CNKSR2: variants seen among roughly 807,000 people sequenced by gnomAD.
CNKSR2 encodes CNK homolog protein 2.
A neutral mutation model predicts 84.4 loss-of-function variants in CNKSR2; 14 were observed. The ratio of observed to expected loss-of-function variants is 0.17; its 90% confidence interval spans 0.11 to 0.26. CNKSR2 has a LOEUF of 0.26. CNKSR2 is among the 10% of genes least tolerant of loss of function. The pLI is 1.00. For synonymous variants in CNKSR2, 275 were observed against 277.9 expected (o/e 0.99, Z 0.10); for missense variants, 485 against 771.2 (o/e 0.63, Z 4.40).
chrX:21,535,661 T>C (rs2091921431), intron 11 of CNKSR2, among the ~76,000 whole-genome samples: 1 of 111,196 alleles, frequency 9.0e-6, no homozygotes, highest in Non-Finnish European at 1.9e-5. Flanking sequence ...TGATTTTTTT[T>C]CAGATAGTTT....
At chrX:21,493,446 C>T (rs1299997192) in intron 6 of CNKSR2, 1 of 111,635 alleles carries the variant, frequency 9.0e-6, no homozygotes, top group Non-Finnish European at 1.9e-5. Flanking sequence ...TGCTTTGGCT[C>T]CTGTTGGTTA....
chrX:21,599,112 TG>T (rs1282773629), intron 17 of CNKSR2, among the ~76,000 whole-genome samples: 2 of 112,478 alleles, frequency 1.8e-5, no homozygotes, highest in Non-Finnish European at 3.8e-5. Flanking sequence ...TCAATTGTCT[TG>T]TGAAACTTAG....
At chrX:21,460,101 T>G (rs1357375393) in intron 4 of CNKSR2, among the ~76,000 whole-genome samples, 1 of 112,103 alleles carries the variant, frequency 8.9e-6, no homozygotes, top group Non-Finnish European at 1.9e-5. Context: ...TCTGTTCTGG[T>G]GAAGTCATCA....
At chrX:21,479,408 G>A (rs2091293108) in intron 5 of CNKSR2, among the ~76,000 whole-genome samples, 1 of 110,916 alleles carries the variant, frequency 9.0e-6, no homozygotes, top group African/African-American at 3.3e-5. Flanking sequence ...TATAATATTT[G>A]TTTTCCTTTG....
At chrX:21,443,033 A>G (rs951498186) in intron 4 of CNKSR2, among the ~76,000 whole-genome samples, 8 of 110,496 alleles carry the variant, frequency 7.2e-5, no homozygotes, top group African/African-American at 2.6e-4. Flanking sequence ...GGATCGAAAA[A>G]CTACCTTTCG....
At chrX:21,389,601 A>G (rs994514531) in intron 1 of CNKSR2, among the ~76,000 whole-genome samples, 4 of 111,957 alleles carry the variant, frequency 3.6e-5, no homozygotes, top group Non-Finnish European at 7.5e-5. Context: ...AAAAAAGGGC[A>G]CTTGGGATAT....
chrX:21,567,753 C>T (rs1295705173), intron 13 of CNKSR2, among the ~76,000 whole-genome samples: 2 of 109,468 alleles, frequency 1.8e-5, no homozygotes, highest in Non-Finnish European at 3.8e-5. Flanking sequence ...CCTCATCTAA[C>T]CTGAGAGTAC....
At chrX:21,453,042 T>C (rs1202033388) in intron 4 of CNKSR2, among the ~76,000 whole-genome samples, 1 of 109,879 alleles carries the variant, frequency 9.1e-6, no homozygotes, top group African/African-American at 3.3e-5. Flanking sequence ...CTATATACTA[T>C]CCTGGAAAAT....
chrX:21,612,355 A>G (rs979077237), intron 20 of CNKSR2, among the ~76,000 whole-genome samples: 7 of 112,188 alleles, frequency 6.2e-5, no homozygotes, highest in Admixed American at 3.8e-4. Context: ...CTGTGCTGCC[A>G]CACAGTTCAG....
In CNKSR2 at chrX:21,374,865, C is replaced by G; in HGVS notation, c.-33C>G. ...CTGCTGAGTTCGTTTTGTGTCTGAG[C>G]TCTGCGCTCTGCACGGAACCGACCC... On this transcript the variant is annotated 5_prime_UTR_variant, in exon 1 of 22. Coordinates refer to ENST00000379510, the MANE Select transcript of CNKSR2 (RefSeq NM_014927.5). 8.5e-7 allele frequency: 1 copy of G among 1,172,246 alleles called. No homozygotes were observed. Among genetic ancestry groups the G allele is most frequent in the South Asian group, 1.8e-5 (1 of 56,125 alleles).
chrX:21,606,716 C>A, intron 18 of CNKSR2, 63 bp from the exon 19 acceptor site: 1 of 704,194 alleles, frequency 1.4e-6, no homozygotes. Context: ...AGTTTATGTT[C>A]GTGAAAATAT....
chrX:21,485,437 A>G (rs1048430234), intron 5 of CNKSR2, among the ~76,000 whole-genome samples: 1 of 110,555 alleles, frequency 9.0e-6, no homozygotes, highest in African/African-American at 3.3e-5. Flanking sequence ...ACCAGCGTGT[A>G]TGTGTGTGTG....
At chrX:21,509,668 A>G (rs2091650945) in intron 8 of CNKSR2, among the ~76,000 whole-genome samples, 1 of 111,938 alleles carries the variant, frequency 8.9e-6, no homozygotes, top group Admixed American at 9.5e-5. Flanking sequence ...CTGTGAAAGA[A>G]CAAAATTAAG....
At chrX:21,417,330 C>A (rs2090436215) in intron 1 of CNKSR2, among the ~76,000 whole-genome samples, 1 of 111,765 alleles carries the variant, frequency 8.9e-6, no homozygotes, top group Non-Finnish European at 1.9e-5. Context: ...GTTTTGTAAC[C>A]TAACATGGTC....
At position 21,501,326 on chromosome X, in the gene CNKSR2, GTTTA is replaced by G. The variant is rs199954806; in HGVS notation, c.742-189_742-186del. ...TTTTTATTAATTTTTTTCTTTCTAT[GTTTA>G]TTTAACTGGCTCAGCAGGTAAAAAC... On this transcript the variant is annotated intron_variant, in intron 7 of 21. Coordinates refer to ENST00000379510, the MANE Select transcript of CNKSR2 (RefSeq NM_014927.5). 1,209 of 269,560 alleles carry G rather than the reference GTTTA, an allele frequency of 4.5e-3. 13 individuals carry two copies. Among genetic ancestry groups the G allele is most frequent in the African/African-American group, 0.028 (993 of 35,269 alleles). 22.2% of individuals were successfully genotyped at this position (269,560 alleles called of 1,213,427 possible).
intron 1 of CNKSR2, among the ~76,000 whole-genome samples, chrX:21,388,549 A>G (rs971894881): frequency 8.9e-6 from 1 of 112,384 alleles, no homozygotes; most frequent in Non-Finnish European, 1.9e-5. Context: ...AAGACTGAAA[A>G]GCCAATCTGA....
intron 4 of CNKSR2, among the ~76,000 whole-genome samples, chrX:21,452,281 A>G (rs1432056074): frequency 4.5e-5 from 5 of 110,595 alleles, no homozygotes; most frequent in African/African-American, 1.3e-4. Context: ...TTTAGTAGAG[A>G]CGGAGTTTCA....
intron 20 of CNKSR2, among the ~76,000 whole-genome samples, chrX:21,611,629 T>C (rs747333624): frequency 1.8e-5 from 2 of 112,221 alleles, no homozygotes; most frequent in East Asian, 2.8e-4. Flanking sequence ...TTTTGTTGTT[T>C]AGTGGATTGG....
chrX:21,396,411 A>G (rs765550625), intron 1 of CNKSR2, among the ~76,000 whole-genome samples: 1 of 111,121 alleles, frequency 9.0e-6, no homozygotes, highest in African/African-American at 3.3e-5. Flanking sequence ...TTATATCTAG[A>G]TGTCTGTGAA....
Sources: allele counts gnomAD v4.1 joint callset (sites outside exome capture counted in the v4.1 genomes callset), GRCh38; gene constraint gnomAD v4.1.1; transcripts MANE v1.5; gene names NCBI Gene and HGNC (gene_info 2026-07-23, HGNC 2026-07-21).